The following CLCA1 variants were observed in gnomAD, a reference collection of about 807,000 sequenced individuals.
The protein encoded by CLCA1 is chloride channel accessory 1, also known as calcium-activated chloride channel regulator 1.
A neutral mutation model predicts 85.6 loss-of-function variants in CLCA1; 59 were observed. The ratio of observed to expected loss-of-function variants is 0.69; its 90% CI spans 0.56 to 0.86. CLCA1 has a LOEUF of 0.86. Among genes scored for constraint, CLCA1 ranks in the 40% least tolerant of loss-of-function variants. CLCA1 has a pLI of 0.00. For missense variants in CLCA1, 1,022 were observed against 1,101.4 expected (o/e 0.93, Z 1.02); for synonymous variants, 396 against 398.3 (o/e 0.99, Z 0.07).
At position 86,499,988 on chromosome 1, in the gene CLCA1, T is replaced by G; in HGVS notation, c.2688T>G (p.Ile896Met). The change falls in exon 14 of 14, where the codon ATT becomes ATG. Residue 896 changes from isoleucine (I) to methionine (M), a missense_variant. By Grantham distance (10) the Ile-to-Met change is conservative (BLOSUM62 1). Transcript: ENST00000394711. Reference protein sequence around the residue: ...NIHINSTIPGIHILKIMWKWI... With the variant: ...NIHINSTIPGMHILKIMWKWI... ...ATATCAACAGCACCATTCCTGGCAT[T>G]CACATTTTAAAAATTATGTGGAAGT... is the stretch of plus-strand genomic sequence containing the variant. 3.7e-6 allele frequency: 6 copies of G among 1,612,926 alleles called. No individual in the cohort carries two copies. The highest frequency in any genetic ancestry group is 5.1e-6 in the Non-Finnish European group (6 of 1,178,940).
At chr1:86,491,183 G>T in intron 8 of CLCA1, 82 bp from the exon 9 acceptor site, 1 of 897,816 alleles carries the variant, frequency 1.1e-6, no homozygotes, top group South Asian at 1.5e-5. Flanking sequence ...TATTTATATT[G>T]TATGCTCTCT....
intron 1 of CLCA1, among the ~76,000 whole-genome samples, chr1:86,473,006 T>C (rs755989162): frequency 6.6e-6 from 1 of 152,222 alleles, no homozygotes; most frequent in Non-Finnish European, 1.5e-5. Flanking sequence ...ATAGCTAATA[T>C]TTTATACTTG....
chr1:86,488,163 C>A (rs1259460906), intron 7 of CLCA1, among the ~76,000 whole-genome samples: 1 of 152,188 alleles, frequency 6.6e-6, no homozygotes, highest in Non-Finnish European at 1.5e-5. Context: ...TTGGAAGATG[C>A]CTTCTTATCT....
chr1:86,494,201 A>G lies in CLCA1; in HGVS notation c.1695A>G (p.Lys565=), dbSNP rs768654684. ...IPGIAKVGTW[K]YSLQASSQTL... Reference sequence around the variant, plus strand: ...GTTTTGGTCAGGTTGGCACTTGGAAATACAGTCTGCAAGCAAGCTCACAAA... The same window carrying G: ...GTTTTGGTCAGGTTGGCACTTGGAAGTACAGTCTGCAAGCAAGCTCACAAA... The change falls in exon 11 of 14, where the codon AAA becomes AAG. Residue 565 remains lysine (K), a synonymous_variant. Transcript: ENST00000394711. 3.1e-6 allele frequency: 5 copies of G among 1,614,090 alleles called. No homozygotes were observed. Among genetic ancestry groups the G allele is most frequent in the Non-Finnish European group, 3.4e-6 (4 of 1,180,020 alleles).
In CLCA1 at chr1:86,494,298, A is replaced by G. The variant is rs755856775; in HGVS notation, c.1792A>G (p.Asn598Asp). Residue 598 changes from asparagine to aspartate, a missense_variant, in exon 11 of 14, where the codon AAC becomes GAC. Transcript: ENST00000394711. Reference sequence around the variant, plus strand: ...TCCAATTACAGTGACTTCCAAAACGAACAAGGACACCAGCAAATTCCCCAG... The same window carrying G: ...TCCAATTACAGTGACTTCCAAAACGGACAAGGACACCAGCAAATTCCCCAG... ...LPPITVTSKT[N>D]KDTSKFPSPL... is the part of the protein sequence containing the mutation. 1.9e-6 allele frequency: 3 copies of G among 1,614,074 alleles called. No homozygotes were observed. Among genetic ancestry groups the G allele is most frequent in the African/African-American group, 1.3e-5 (1 of 74,938 alleles).
chr1:86,473,906 C>G, intron 3 of CLCA1, 30 bp downstream of exon 3: 2 of 1,535,240 alleles, frequency 1.3e-6, no homozygotes, highest in Non-Finnish European at 8.9e-7. Context: ...ACTTCTCATA[C>G]AATTTAACTA....
In CLCA1 at chr1:86,486,740, G is replaced by C; in HGVS notation, c.1169G>C (p.Arg390Pro). Residue 390 changes from arginine to proline, a missense_variant, in exon 7 of 14, where the codon CGA (arginine) becomes CCA (proline). Transcript: ENST00000394711. Reference protein sequence around the residue: ...SGGTSICSGLRSAFTVIRKKY... With the variant: ...SGGTSICSGLPSAFTVIRKKY... ...GGGACGTCCATCTGCAGCGGGCTTCGATCGGCATTTACTGTGAGATGTGTT... is the reference window on the plus strand; with the variant it reads ...GGGACGTCCATCTGCAGCGGGCTTCCATCGGCATTTACTGTGAGATGTGTT... 3.7e-6 allele frequency: 6 copies of C among 1,614,070 alleles called. No individual in the cohort carries two copies. Among genetic ancestry groups the C allele is most frequent in the Non-Finnish European group, 5.1e-6 (6 of 1,179,942 alleles).
rs747575839 is a variant in CLCA1 at position 86,473,405 on chromosome 1, T to A, written c.163-12T>A. ...CAGTCAATTGTTACGTATGTTTTCTTTTTCTTCCCAGGACATGGTGACCCA... is the reference window on the plus strand; with the variant it reads ...CAGTCAATTGTTACGTATGTTTTCTATTTCTTCCCAGGACATGGTGACCCA... On this transcript the variant is annotated splice_polypyrimidine_tract_variant and intron_variant, in intron 1 of 13. Transcript: ENST00000394711. 1.6e-5 allele frequency: 25 copies of A among 1,522,652 alleles called. No homozygotes were observed. Among genetic ancestry groups the A allele is most frequent in the Non-Finnish European group, 2.2e-5 (25 of 1,123,106 alleles). 94.3% of individuals were successfully genotyped at this position (1,522,652 alleles called of 1,614,324 possible). A position where few individuals can be genotyped will look rare whatever the true frequency, so the allele number is the denominator to read the frequency against.
chr1:86,497,283 CTT>C (rs1213618946), intron 12 of CLCA1, among the ~76,000 whole-genome samples: 4 of 152,208 alleles, frequency 2.6e-5, no homozygotes, highest in African/African-American at 9.6e-5. Flanking sequence ...TCTACTGGTG[CTT>C]TCAACATGAA....
intron 13 of CLCA1, 88 bp from the exon 14 acceptor site, chr1:86,499,565 GC>G (rs1308643717): frequency 2.4e-6 from 2 of 839,852 alleles, no homozygotes; most frequent in African/African-American, 3.4e-5. Flanking sequence ...GACTTTTAAA[GC>G]TTTTTAAATA....
chr1:86,481,926 T>G (rs533299806), intron 4 of CLCA1, among the ~76,000 whole-genome samples: 1 of 152,342 alleles, frequency 6.6e-6, no homozygotes, highest in South Asian at 2.1e-4. Context: ...GCCTGAGGAC[T>G]TAGTCTGTAT....
chr1:86,471,102 C>T (rs1213905696), intron 1 of CLCA1, among the ~76,000 whole-genome samples: 1 of 152,082 alleles, frequency 6.6e-6, no homozygotes, highest in East Asian at 1.9e-4. Context: ...AGCTCGTGTG[C>T]ACACACACAC....
chr1:86,486,778 T>G (rs561895627), intron 7 of CLCA1, 25 bp downstream of exon 7: 1 of 1,597,512 alleles, frequency 6.3e-7, no homozygotes, highest in East Asian at 2.2e-5. Flanking sequence ...TCTATTGTAG[T>G]TTGGAATGTT....
chr1:86,487,317 C>G (rs1030545857), intron 7 of CLCA1, among the ~76,000 whole-genome samples: 1 of 152,172 alleles, frequency 6.6e-6, no homozygotes, highest in African/African-American at 2.4e-5. Flanking sequence ...ATGTGCTGTA[C>G]CAAACCCTTG....
Position 86,485,395 on chromosome 1 carries a change from A to T in CLCA1, c.788A>T (p.Gln263Leu). 1 of 1,614,246 alleles carries T rather than the reference A, an allele frequency of 6.2e-7. No individual in the cohort carries two copies. Among genetic ancestry groups the T allele is most frequent in the Non-Finnish European group, 8.5e-7 (1 of 1,180,030 alleles). ...CACAACAAAGAAGCTCCAAACAAGC[A>T]AAATCAAAAATGCAATCTCCGAAGC... is the stretch of plus-strand genomic sequence containing the variant. ...QNHNKEAPNK[Q>L]NQKCNLRSTW... Residue 263 changes from glutamine to leucine, a missense_variant, in exon 6 of 14, where the codon CAA (glutamine) becomes CTA (leucine). Gln to Leu is a moderately radical substitution (Grantham distance 113, BLOSUM62 -2). Coordinates refer to ENST00000394711, the MANE Select transcript of CLCA1 (RefSeq NM_001285.4).
At position 86,499,907 on chromosome 1, in the gene CLCA1, G is replaced by A. The variant is rs1434964001; in HGVS notation, c.2607G>A (p.Gln869=). Residue 869 remains glutamine (Q), a synonymous_variant, in exon 14 of 14, where the codon CAG becomes CAA. Coordinates refer to ENST00000394711, the MANE Select transcript of CLCA1 (RefSeq NM_001285.4). The stretch of plus-strand genomic sequence containing the variant: ...GAGTATCTTTGTTTATTCCTCCACA[G>A]ACTCCGCCAGAGACACCTAGTCCTG... The part of the protein sequence containing the change: ...IARVSLFIPP[Q]TPPETPSPDE... 5.0e-6 allele frequency: 8 copies of A among 1,613,940 alleles called. No homozygotes were observed. Among genetic ancestry groups the A allele is most frequent in the Admixed American group, 1.7e-5 (1 of 59,996 alleles).
intron 6 of CLCA1, among the ~76,000 whole-genome samples, 182 bp from the exon 7 acceptor site, chr1:86,486,344 A>T (rs902684869): frequency 6.6e-6 from 1 of 152,118 alleles, no homozygotes; most frequent in Non-Finnish European, 1.5e-5. Context: ...CTGGCCCTAA[A>T]ATTCTACCCA....
At chr1:86,485,317 CTA>C (rs772991967) in intron 5 of CLCA1, 24 bp from the exon 6 acceptor site, 7 of 1,515,842 alleles carry the variant, frequency 4.6e-6, no homozygotes, top group Middle Eastern at 1.7e-4. Flanking sequence ...TTACCATTAT[CTA>C]TATAATTTCA....
chr1:86,476,372 C>A, intron 3 of CLCA1, 76 bp from the exon 4 acceptor site: 3 of 713,666 alleles, frequency 4.2e-6, no homozygotes, highest in East Asian at 2.6e-5. Context: ...ATATTCCAAA[C>A]ATTGCTTTCT....
Sources: gnomAD v4.1 joint callset for allele counts (sites outside exome capture counted in the v4.1 genomes callset) on GRCh38, gnomAD v4.1.1 for gene constraint, MANE v1.5 for transcripts, NCBI Gene and HGNC (gene_info 2026-07-23, HGNC 2026-07-21) for gene names.